CCDC171: variants seen among roughly 807,000 people sequenced by gnomAD.
The protein encoded by CCDC171 is coiled-coil domain-containing protein 171.
CCDC171 carries 177 observed loss-of-function variants against 168.2 expected under a neutral mutation model. The ratio of observed to expected loss-of-function variants is 1.05; its 90% confidence interval spans 0.93 to 1.19. CCDC171 has a LOEUF of 1.19. CCDC171 is among the 50% of genes most tolerant of loss of function. The probability of loss-of-function intolerance (pLI) is 0.00; values close to 1 mark genes in which losing one functional copy is unlikely to be tolerated. For synonymous variants in CCDC171, 687 were observed against 540.8 expected, an observed-to-expected ratio of 1.27 and a Z score of -3.75; for missense variants, 1,991 against 1,539.0, an observed-to-expected ratio of 1.29 and a Z score of -4.91.
chr9:15,793,836 A>C (rs568955290), intron 21 of CCDC171, among the ~76,000 whole-genome samples: 2 of 151,998 alleles, frequency 1.3e-5, no homozygotes, highest in Non-Finnish European at 2.9e-5. Flanking sequence ...TGTGACAGAT[A>C]TATTAATCTT....
intron 2 of CCDC171, among the ~76,000 whole-genome samples, chr9:15,565,398 G>C (rs1389659508): frequency 2.6e-5 from 4 of 152,084 alleles, no homozygotes; most frequent in Non-Finnish European, 5.9e-5. Flanking sequence ...TGCCCAGGCT[G>C]TCTGAGAACT....
At chr9:15,682,924 C>G (rs2050135178) in intron 10 of CCDC171, among the ~76,000 whole-genome samples, 1 of 151,934 alleles carries the variant, frequency 6.6e-6, no homozygotes, top group Non-Finnish European at 1.5e-5. Context: ...TTATTAAAGT[C>G]CATCTGAGGC....
At chr9:15,870,277 T>A (rs370449486) in intron 23 of CCDC171, among the ~76,000 whole-genome samples, 1 of 151,518 alleles carries the variant, frequency 6.6e-6, no homozygotes, top group East Asian at 1.9e-4. Context: ...TCAGTGGGAA[T>A]GGAAGGAAGT....
chr9:15,873,011 T>C (rs1344783671), intron 23 of CCDC171, among the ~76,000 whole-genome samples: 1 of 152,108 alleles, frequency 6.6e-6, no homozygotes, highest in Admixed American at 6.6e-5. Flanking sequence ...ACATTGTGAA[T>C]TGAGACTCCA....
intron 24 of CCDC171, among the ~76,000 whole-genome samples, chr9:15,893,970 T>C (rs1248863010): frequency 1.3e-5 from 2 of 152,174 alleles, no homozygotes; most frequent in Non-Finnish European, 2.9e-5. Context: ...TAATGATACA[T>C]GCACACGTAT....
At chr9:15,802,958 A>G (rs2058899510) in intron 21 of CCDC171, among the ~76,000 whole-genome samples, 1 of 152,058 alleles carries the variant, frequency 6.6e-6, no homozygotes, top group African/African-American at 2.4e-5. Context: ...TCTGACTGGT[A>G]TGAGATGGTA....
intron 25 of CCDC171, among the ~76,000 whole-genome samples, chr9:15,930,988 C>A (rs1458117833): frequency 2.0e-5 from 3 of 151,588 alleles, no homozygotes; most frequent in Non-Finnish European, 4.4e-5. Context: ...TCTCTTCTAG[C>A]TATTTTCTAA....
At chr9:15,757,173 A>G (rs893704393) in intron 18 of CCDC171, among the ~76,000 whole-genome samples, 3 of 152,252 alleles carry the variant, frequency 2.0e-5, no homozygotes, top group Non-Finnish European at 4.4e-5. Context: ...TGGAGGGCTC[A>G]GAAGAAGACA....
intron 3 of CCDC171, among the ~76,000 whole-genome samples, chr9:15,982,581 C>G (rs1005334723): frequency 6.6e-6 from 1 of 152,156 alleles, no homozygotes; most frequent in Non-Finnish European, 1.5e-5. Context: ...TTAGAGGAAG[C>G]AAGGGGTCTT....
At chr9:16,060,034 G>A (rs1833907553) in intron 1 of CCDC171, among the ~76,000 whole-genome samples, 1 of 152,190 alleles carries the variant, frequency 6.6e-6, no homozygotes, top group Non-Finnish European at 1.5e-5. Context: ...CAAATAAAAA[G>A]CAACTGCCCA....
chr9:15,948,330 G>T (rs1828687998), intron 25 of CCDC171, among the ~76,000 whole-genome samples: 1 of 142,994 alleles, frequency 7.0e-6, no homozygotes, highest in Non-Finnish European at 1.5e-5. Context: ...TAGTCCTTTG[G>T]GTATATACCC....
chr9:15,743,045 C>T (rs930561871), intron 16 of CCDC171, among the ~76,000 whole-genome samples: 1 of 151,246 alleles, frequency 6.6e-6, no homozygotes, highest in Non-Finnish European at 1.5e-5. Context: ...TCCAAAAGTG[C>T]TGGGATTATA....
chr9:15,728,090 C>A, intron 15 of CCDC171, 54 bp downstream of exon 15: 1 of 1,381,342 alleles, frequency 7.2e-7, no homozygotes, highest in Non-Finnish European at 1.0e-6. Flanking sequence ...CATTTGTCCA[C>A]ATCACAGTAT....
intron 3 of CCDC171, among the ~76,000 whole-genome samples, chr9:15,575,132 A>T (rs2040539099): frequency 6.8e-6 from 1 of 147,538 alleles, no homozygotes; most frequent in Non-Finnish European, 1.5e-5. Flanking sequence ...AGAAAGAGAG[A>T]GGGTAAAGGA....
downstream of CCDC171, among the ~76,000 whole-genome samples, chr9:15,975,422 A>G (rs148309100): frequency 2.0e-4 from 31 of 152,210 alleles, no homozygotes; most frequent in Non-Finnish European, 4.4e-4. Context: ...TAATTTTGAT[A>G]AGTATGTTTT....
downstream of CCDC171, among the ~76,000 whole-genome samples, chr9:15,977,929 A>G (rs1831672626): frequency 6.6e-6 from 1 of 152,214 alleles, no homozygotes; most frequent in Non-Finnish European, 1.5e-5. Context: ...AGTAAAAAGA[A>G]CTGTAAAAGA....
At chr9:15,559,305 A>AG (rs1161621563) in intron 1 of CCDC171, among the ~76,000 whole-genome samples, 2 of 152,060 alleles carry the variant, frequency 1.3e-5, no homozygotes, top group East Asian at 1.9e-4. Flanking sequence ...TTTCTGTCTC[A>AG]TTGATCTGTC....
At chr9:15,982,751 C>T (rs910513692) in intron 3 of CCDC171, among the ~76,000 whole-genome samples, 7 of 151,918 alleles carry the variant, frequency 4.6e-5, no homozygotes, top group Non-Finnish European at 1.0e-4. Flanking sequence ...GTTCTTAAAC[C>T]GACTCACTTA....
chr9:15,629,463 G>C (rs1452064874), intron 7 of CCDC171, among the ~76,000 whole-genome samples: 2 of 152,074 alleles, frequency 1.3e-5, no homozygotes, highest in Non-Finnish European at 2.9e-5. Flanking sequence ...GAAGCAAGAA[G>C]GGAAGTTTAG....
Sources: allele counts gnomAD v4.1 joint callset (sites outside exome capture counted in the v4.1 genomes callset), GRCh38; gene constraint gnomAD v4.1.1; transcripts MANE v1.5; gene names NCBI Gene and HGNC (gene_info 2026-07-23, HGNC 2026-07-21).